Variants in RALYL observed in about 807,000 individuals in gnomAD.
RALYL encodes RNA-binding Raly-like protein.
In RALYL, 29 loss-of-function variants were observed where a neutral mutation model predicts 35.1. That is an observed-to-expected ratio of 0.83 (90% CI 0.61 to 1.13). The LOEUF (loss-of-function observed/expected upper bound fraction) is 1.13. RALYL is among the 50% of genes most tolerant of loss of function. The pLI, the probability that RALYL is intolerant of heterozygous loss-of-function variation, is 0.00. For missense variants in RALYL, 359 were observed against 360.4 expected, an observed-to-expected ratio of 1.00 and a Z score of 0.03; for synonymous variants, 120 against 127.6, an observed-to-expected ratio of 0.94 and a Z score of 0.40.
intron 1 of RALYL, among the ~76,000 whole-genome samples, chr8:84,260,635 C>A (rs1259749427): frequency 1.3e-5 from 2 of 152,206 alleles, no homozygotes; most frequent in African/African-American, 2.4e-5. Context: ...AAGAGAGGAG[C>A]AATATGCATG....
chr8:84,204,107 T>C (rs1817542136), intron 1 of RALYL, among the ~76,000 whole-genome samples: 1 of 152,092 alleles, frequency 6.6e-6, no homozygotes, highest in Admixed American at 6.6e-5. Context: ...TCATCACATA[T>C]AAATAATACT....
At chr8:84,716,868 G>T (rs530976814) in intron 2 of RALYL, among the ~76,000 whole-genome samples, 1 of 152,160 alleles carries the variant, frequency 6.6e-6, no homozygotes, top group South Asian at 2.1e-4. Flanking sequence ...TGAAACTTGA[G>T]TATCTAGGAA....
At chr8:84,664,263 A>ATTTTTTTTTTTTTTT (rs60423756) in intron 2 of RALYL, among the ~76,000 whole-genome samples, 1 of 58,048 alleles carries the variant, frequency 1.7e-5, no homozygotes, top group Non-Finnish European at 2.9e-5. Flanking sequence ...ATGCCTCTAG[A>ATTTTTTTTTTTTTTT]TTTTTTTTTT....
At chr8:84,439,749 A>G (rs2048135046) in intron 1 of RALYL, among the ~76,000 whole-genome samples, 1 of 152,104 alleles carries the variant, frequency 6.6e-6, no homozygotes, top group South Asian at 2.1e-4. Context: ...CATTTTCTTC[A>G]GCCAAATTTA....
At chr8:84,682,493 TATTA>T (rs1483155899) in intron 2 of RALYL, among the ~76,000 whole-genome samples, 2 of 152,180 alleles carry the variant, frequency 1.3e-5, no homozygotes, top group Non-Finnish European at 2.9e-5. Flanking sequence ...GTTGGTAGGC[TATTA>T]ATTATTGCCT....
chr8:84,773,889 A>G (rs548795422), intron 2 of RALYL, among the ~76,000 whole-genome samples: 12 of 152,366 alleles, frequency 7.9e-5, no homozygotes, highest in African/African-American at 2.9e-4. Flanking sequence ...GCGAAAAATG[A>G]AAATCAGAAG....
At chr8:84,813,397 T>C (rs1438117337) in intron 4 of RALYL, among the ~76,000 whole-genome samples, 1 of 152,218 alleles carries the variant, frequency 6.6e-6, no homozygotes, top group Non-Finnish European at 1.5e-5. Flanking sequence ...CGCTGCTCTG[T>C]CTGTCCAAGT....
chr8:84,521,768 G>A (rs1229158445), intron 1 of RALYL, among the ~76,000 whole-genome samples: 1 of 151,968 alleles, frequency 6.6e-6, no homozygotes, highest in Non-Finnish European at 1.5e-5. Context: ...CAATTTTGTA[G>A]TTAAAATAAC....
intron 2 of RALYL, among the ~76,000 whole-genome samples, chr8:84,769,055 T>C (rs1814788086): frequency 6.6e-6 from 1 of 152,226 alleles, no homozygotes; most frequent in Non-Finnish European, 1.5e-5. Flanking sequence ...GAGAATAATT[T>C]TACATGTTCA....
chr8:84,295,810 A>G (rs1839646692), intron 1 of RALYL, among the ~76,000 whole-genome samples: 1 of 152,158 alleles, frequency 6.6e-6, no homozygotes, highest in Admixed American at 6.6e-5. Flanking sequence ...TCTATTTCCT[A>G]GTATTATTCT....
chr8:84,522,564 T>G lies in RALYL; in HGVS notation c.-23-6735T>G, dbSNP rs1461613026. Among the ~76,000 whole-genome samples the G allele has an allele frequency of 2.0e-5, 3 of 152,102 alleles. No individual in the cohort carries two copies. In the East Asian group the frequency reaches 5.8e-4, roughly 29 times the overall value. On this transcript the variant is annotated intron_variant, in intron 1 of 8. Transcript: ENST00000521268. ...GCGCCCGGCCTAGAAAGGAAAATTT[T>G]TATAATATTGTTTAATTCAAATATC...
intron 1 of RALYL, among the ~76,000 whole-genome samples, chr8:84,502,541 T>TA (rs980789938): frequency 1.3e-5 from 2 of 151,938 alleles, no homozygotes; most frequent in Admixed American, 1.3e-4. Flanking sequence ...GATAAACCTA[T>TA]AAAAAATAGA....
At chr8:84,400,792 G>C (rs997313619) in intron 1 of RALYL, among the ~76,000 whole-genome samples, 2 of 152,156 alleles carry the variant, frequency 1.3e-5, no homozygotes, top group Non-Finnish European at 2.9e-5. Flanking sequence ...AGTTTATTTG[G>C]ATCATGAAGT....
chr8:84,317,088 G>A (rs1400228446), intron 1 of RALYL, among the ~76,000 whole-genome samples: 2 of 152,074 alleles, frequency 1.3e-5, no homozygotes, highest in African/African-American at 2.4e-5. Context: ...AAGGAATATA[G>A]TCAGAGCAGC....
chr8:84,651,578 A>T, intron 2 of RALYL, among the ~76,000 whole-genome samples: 1 of 152,090 alleles, frequency 6.6e-6, no homozygotes, highest in East Asian at 1.9e-4. Context: ...TTTGATCTTG[A>T]AAAGTTTAAA....
chr8:84,728,804 T>G (rs999676929), intron 2 of RALYL, among the ~76,000 whole-genome samples: 1 of 152,200 alleles, frequency 6.6e-6, no homozygotes, highest in African/African-American at 2.4e-5. Context: ...GCATTATTTC[T>G]GAGGGCTCTG....
chr8:84,340,254 G>A (rs570182457), intron 1 of RALYL, among the ~76,000 whole-genome samples: 1 of 152,046 alleles, frequency 6.6e-6, no homozygotes, highest in African/African-American at 2.4e-5. Context: ...TCTTTGCTAG[G>A]TCTTGCCTTT....
At chr8:84,759,075 G>A (rs1231985717) in intron 2 of RALYL, among the ~76,000 whole-genome samples, 1 of 152,018 alleles carries the variant, frequency 6.6e-6, no homozygotes, top group African/African-American at 2.4e-5. Flanking sequence ...GCCAACAATG[G>A]TGGGTTGAGT....
chr8:84,266,770 C>T (rs1255467072), intron 1 of RALYL, among the ~76,000 whole-genome samples: 2 of 151,966 alleles, frequency 1.3e-5, no homozygotes, highest in South Asian at 2.1e-4. Context: ...ACCATCCGGG[C>T]TAACACGGTG....
Sources: allele counts gnomAD v4.1 joint callset (sites outside exome capture counted in the v4.1 genomes callset), GRCh38; gene constraint gnomAD v4.1.1; transcripts MANE v1.5; gene names NCBI Gene and HGNC (gene_info 2026-07-23, HGNC 2026-07-21).